IPO11: variants seen among roughly 807,000 people sequenced by gnomAD.
The protein encoded by IPO11 is importin-11.
A neutral mutation model predicts 143.2 loss-of-function variants in IPO11; 66 were observed. The ratio of observed to expected loss-of-function variants is 0.46; its 90% CI spans 0.38 to 0.57. The LOEUF is 0.57. IPO11 is among the 20% of genes least tolerant of loss of function. The pLI is 0.00. For synonymous variants in IPO11, 385 were observed against 377.8 expected, an observed-to-expected ratio of 1.02 and a Z score of -0.22; for missense variants, 1,026 against 1,141.0, an observed-to-expected ratio of 0.90 and a Z score of 1.45.
At chr5:62,437,128 C>A in intron 1 of IPO11, 146 bp from the exon 2 acceptor site, 1 of 526,870 alleles carries the variant, frequency 1.9e-6, no homozygotes, top group Non-Finnish European at 3.2e-6. Context: ...ATGGGGTATA[C>A]TTAGAAAAGA....
chr5:62,605,182 C>T (rs1020153017), intron 29 of IPO11, among the ~76,000 whole-genome samples: 1 of 152,092 alleles, frequency 6.6e-6, no homozygotes, highest in African/African-American at 2.4e-5. Context: ...AAATTTGATT[C>T]GCTTACTGTC....
intron 28 of IPO11, among the ~76,000 whole-genome samples, chr5:62,598,001 A>G (rs1331253729): frequency 1.3e-5 from 2 of 152,180 alleles, no homozygotes; most frequent in Non-Finnish European, 2.9e-5. Context: ...AAGTAGTTCT[A>G]GGCATTACAG....
intron 27 of IPO11, among the ~76,000 whole-genome samples, chr5:62,585,042 T>A (rs538008979): frequency 6.6e-6 from 1 of 152,340 alleles, no homozygotes; most frequent in South Asian, 2.1e-4. Context: ...TATGTTGTCT[T>A]CCTGTTTTCT....
chr5:62,583,932 G>C (rs889693476), intron 27 of IPO11, among the ~76,000 whole-genome samples: 16 of 152,018 alleles, frequency 1.1e-4, no homozygotes, highest in African/African-American at 3.4e-4. Flanking sequence ...TTCTTGATTA[G>C]AGCACCCAAA....
At chr5:62,426,801 T>C (rs1271508029) in intron 1 of IPO11, among the ~76,000 whole-genome samples, 2 of 148,984 alleles carry the variant, frequency 1.3e-5, no homozygotes, top group East Asian at 3.9e-4. Flanking sequence ...ATATATTTTA[T>C]ATTTTAATTT....
intron 1 of IPO11, among the ~76,000 whole-genome samples, chr5:62,414,414 T>C (rs1473521269): frequency 6.6e-6 from 1 of 152,238 alleles, no homozygotes; most frequent in East Asian, 1.9e-4. Context: ...TGTGTATGTA[T>C]GTAACCTCAC....
chr5:62,621,226 CATTGTA>C (rs1225316230), intron 29 of IPO11, among the ~76,000 whole-genome samples: 1 of 152,162 alleles, frequency 6.6e-6, no homozygotes, highest in Non-Finnish European at 1.5e-5. Flanking sequence ...ATTCAGAAGT[CATTGTA>C]ATGATAATGT....
intron 29 of IPO11, among the ~76,000 whole-genome samples, chr5:62,625,581 A>G (rs956838452): frequency 3.3e-5 from 5 of 152,338 alleles, no homozygotes; most frequent in East Asian, 3.9e-4. Flanking sequence ...TACTTCTTAA[A>G]TGATCACATA....
intron 27 of IPO11, among the ~76,000 whole-genome samples, chr5:62,564,297 A>G (rs972561927): frequency 1.3e-5 from 2 of 152,140 alleles, no homozygotes; most frequent in Admixed American, 6.5e-5. Context: ...TATTCAAGTC[A>G]GCAGTTTTAT....
At chr5:62,480,531 A>G (rs897780937) in intron 9 of IPO11, among the ~76,000 whole-genome samples, 12 of 152,202 alleles carry the variant, frequency 7.9e-5, no homozygotes, top group African/African-American at 2.9e-4. Flanking sequence ...TACCTTGGAC[A>G]GTATGGCCAT....
At chr5:62,610,319 C>G (rs1266457124) in intron 29 of IPO11, among the ~76,000 whole-genome samples, 1 of 152,030 alleles carries the variant, frequency 6.6e-6, no homozygotes, top group Non-Finnish European at 1.5e-5. Context: ...ACAAGATGAT[C>G]TTTACAAAGT....
At chr5:62,559,702 A>G (rs1743702331) in intron 26 of IPO11, among the ~76,000 whole-genome samples, 1 of 151,806 alleles carries the variant, frequency 6.6e-6, no homozygotes, top group South Asian at 2.1e-4. Context: ...GGATCACCTT[A>G]GGTCCGGAGT....
At chr5:62,461,582 G>A (rs569109801) in intron 5 of IPO11, among the ~76,000 whole-genome samples, 7 of 152,286 alleles carry the variant, frequency 4.6e-5, no homozygotes, top group African/African-American at 1.7e-4. Context: ...ACCTTTCGTA[G>A]GCTAGCTAGA....
chr5:62,598,456 C>T (rs867736375), intron 28 of IPO11, among the ~76,000 whole-genome samples: 5 of 2,984 alleles, frequency 1.7e-3, no homozygotes, highest in Admixed American at 6.5e-3. Flanking sequence ...CTCTCTCTCT[C>T]TCTCTCTCTC....
chr5:62,494,032 A>T lies in IPO11; in HGVS notation c.1498A>T (p.Ile500Phe). The T allele has an allele frequency of 6.2e-7, 1 of 1,613,502 alleles. No homozygotes were observed. The highest frequency in any genetic ancestry group is 1.3e-5 in the African/African-American group (1 of 75,032). ...KPLRRRVIWL[I>F]GQWISVKFKS... ...ATTGCGACGCAGGGTGATTTGGCTC[A>T]TCGGTCAGTGGATTTCTGTGAAATT... The change falls in exon 16 of 30, where the codon ATC becomes TTC. Residue 500 changes from isoleucine (I) to phenylalanine (F), a missense_variant. By Grantham distance (21) the Ile-to-Phe change is conservative. Coordinates refer to ENST00000325324, the MANE Select transcript of IPO11 (RefSeq NM_016338.5).
At chr5:62,499,214 G>A (rs1249116601) in intron 16 of IPO11, among the ~76,000 whole-genome samples, 1 of 152,204 alleles carries the variant, frequency 6.6e-6, no homozygotes, top group African/African-American at 2.4e-5. Flanking sequence ...ATCTGAGATA[G>A]TAGAGGCTAT....
At chr5:62,455,273 G>A (rs938939622) in intron 5 of IPO11, among the ~76,000 whole-genome samples, 1 of 152,218 alleles carries the variant, frequency 6.6e-6, no homozygotes, top group Non-Finnish European at 1.5e-5. Flanking sequence ...TGTAGTCCCA[G>A]CACTGGGAGG....
chr5:62,592,165 A>G (rs1209374941), intron 28 of IPO11, among the ~76,000 whole-genome samples: 2 of 152,130 alleles, frequency 1.3e-5, no homozygotes, highest in African/African-American at 4.8e-5. Flanking sequence ...CAGCTTTATT[A>G]TGTTACAGCG....
chr5:62,520,269 A>G (rs1419237528), intron 20 of IPO11, among the ~76,000 whole-genome samples: 3 of 152,220 alleles, frequency 2.0e-5, no homozygotes, highest in Non-Finnish European at 4.4e-5. Flanking sequence ...ATTTCTGCTT[A>G]GTACACTTAG....
Sources: gnomAD v4.1 joint callset for allele counts (sites outside exome capture counted in the v4.1 genomes callset) on GRCh38, gnomAD v4.1.1 for gene constraint, MANE v1.5 for transcripts, NCBI Gene and HGNC (gene_info 2026-07-23, HGNC 2026-07-21) for gene names.